The following ABCG5 variants were observed in gnomAD, a reference collection of about 807,000 sequenced individuals.
The protein encoded by ABCG5 is ATP-binding cassette sub-family G member 5.
Under a neutral mutation model 64.5 loss-of-function variants are expected in ABCG5, and 64 were observed. The ratio of observed to expected loss-of-function variants is 0.99; its 90% CI spans 0.81 to 1.22. The LOEUF (loss-of-function observed/expected upper bound fraction) is 1.22. Ranked by LOEUF, ABCG5 falls within the 50% of genes most tolerant of loss-of-function variation. The pLI is 0.00. For synonymous variants in ABCG5, 385 were observed against 326.3 expected (o/e 1.18, Z -1.94); for missense variants, 908 against 829.5 (o/e 1.09, Z -1.16).
chr2:43,829,839 A>C (rs1663413741), intron 4 of ABCG5, among the ~76,000 whole-genome samples: 1 of 152,268 alleles, frequency 6.6e-6, no homozygotes, highest in Non-Finnish European at 1.5e-5. Flanking sequence ...CCAACATTCA[A>C]GAGGAGTCAG....
In ABCG5 at chr2:43,821,787, C is replaced by G. The variant is rs148053273; in HGVS notation, c.1463+1010G>C. 7.3e-3 allele frequency among the ~76,000 whole-genome samples: 1,108 copies of G among 152,172 alleles called. 15 individuals are homozygous for G. The highest frequency in any genetic ancestry group is 0.026 in the African/African-American group (1,059 of 41,500). ...ATTTCCCCCTTCCCAATTTCAATCT[C>G]TCTCCCCAGTGCTCAGCAGCTGAAT... is the stretch of plus-strand genomic sequence containing the variant. On this transcript the variant is annotated intron_variant, in intron 10 of 12. Transcript: ENST00000405322.
chr2:43,830,905 A>C (rs1402050859), intron 4 of ABCG5, among the ~76,000 whole-genome samples: 1 of 152,120 alleles, frequency 6.6e-6, no homozygotes, highest in African/African-American at 2.4e-5. Context: ...TCCTTCATTA[A>C]CTCAGTCCAG....
intron 11 of ABCG5, among the ~76,000 whole-genome samples, chr2:43,817,510 A>G (rs1248636042): frequency 6.6e-6 from 1 of 151,812 alleles, no homozygotes; most frequent in Non-Finnish European, 1.5e-5. Flanking sequence ...AAAAATAAAA[A>G]TAAAGAGCAA....
At chr2:43,810,626 C>A, downstream of ABCG5, 1 of 581,364 alleles carries the variant, frequency 1.7e-6, no homozygotes, top group Non-Finnish European at 2.2e-6. Flanking sequence ...CATTTACTAC[C>A]CCAAGGGAGT....
intron 11 of ABCG5, 129 bp from the exon 12 acceptor site, chr2:43,814,718 G>A: frequency 5.0e-6 from 3 of 602,656 alleles, no homozygotes; most frequent in Non-Finnish European, 8.7e-6. Flanking sequence ...TAAAAATGAT[G>A]CTCACTATAA....
rs1323773161 is a variant in ABCG5 at position 43,813,370 on chromosome 2, G to A, written c.1763-61C>T. 21 of 1,239,448 alleles carry A rather than the reference G, an allele frequency of 1.7e-5. 1 individual carries two copies. Among genetic ancestry groups the A allele is most frequent in the Middle Eastern group, 1.9e-4 (1 of 5,256 alleles). 76.8% of individuals were successfully genotyped at this position (1,239,448 alleles called of 1,614,324 possible). A position where few individuals can be genotyped will look rare whatever the true frequency, so the allele number is the denominator to read the frequency against. On this transcript the variant is annotated intron_variant, in intron 12 of 12. Transcript: ENST00000405322. Reference sequence around the variant, plus strand: ...TTATCTCAGGTAATTTAATCAACAAGTATTTACCAAGCGCTTGCTAAGTAC... The same window carrying A: ...TTATCTCAGGTAATTTAATCAACAAATATTTACCAAGCGCTTGCTAAGTAC...
chr2:43,814,495 C>T lies in ABCG5; in HGVS notation c.1744G>A (p.Gly582Arg), dbSNP rs144973796. The change falls in exon 12 of 13, where the codon GGA becomes AGA. Residue 582 changes from glycine (G) to arginine (R), a missense_variant. Transcript: ENST00000405322. ...TACTTACCACAAGTGAAATTCAGTC[C>T]GTAGAACTCATTGACTACAAGAATC... is the stretch of plus-strand genomic sequence containing the variant. ...SEILVVNEFY[G>R]LNFTCGSSNV... The T allele has an allele frequency of 2.7e-4, 433 of 1,605,208 alleles. 5 individuals are homozygous for T. In the African/African-American group the frequency reaches 4.7e-3, roughly 17 times the overall value.
At chr2:43,839,215 CG>C, upstream of ABCG5, 2 of 1,295,110 alleles carry the variant, frequency 1.5e-6, no homozygotes, top group East Asian at 5.1e-5. Context: ...TAGCACCACC[CG>C]GACATCAAGC....
rs778172526 is a variant in ABCG5, at chr2:43,826,464, A to G, written c.692T>C (p.Ile231Thr). The change falls in exon 6 of 13, where the codon ATT becomes ACT. Residue 231 changes from isoleucine to threonine, a missense_variant. Transcript: ENST00000405322. ...AGCCAGTTCCACCAGGAGGACGACA[A>G]TCTGATTAGCAGTCATGCAGTCCAG... is the stretch of plus-strand genomic sequence containing the variant. ...TGLDCMTANQIVVLLVELARR... is the reference protein window; with the variant it reads ...TGLDCMTANQTVVLLVELARR... The G allele has an allele frequency of 2.5e-6, 4 of 1,614,184 alleles. No homozygotes were observed. Among genetic ancestry groups the G allele is most frequent in the Middle Eastern group, 1.6e-4 (1 of 6,062 alleles).
chr2:43,824,462 A>G (rs1178346469), intron 7 of ABCG5, 30 bp from the exon 8 acceptor site: 5 of 1,611,018 alleles, frequency 3.1e-6, no homozygotes, highest in East Asian at 2.2e-5. Context: ...GATGTCACCC[A>G]TGTGTTTTTA....
chr2:43,836,558 A>G (rs1197962187), intron 2 of ABCG5, among the ~76,000 whole-genome samples: 2 of 152,222 alleles, frequency 1.3e-5, no homozygotes, highest in Admixed American at 1.3e-4. Flanking sequence ...ACCCCTCTTC[A>G]GGGCCAATGC....
Position 43,837,814 on chromosome 2 carries a change from A to T in ABCG5, c.265+20T>A. On this transcript the variant is annotated intron_variant, in intron 2 of 12. Transcript: ENST00000405322. ...TAACTCAAGCCAAATCCTTTTTAGA[A>T]TCCTCCTTCCCAAGCTTACCTGAGC... 2.5e-6 allele frequency: 4 copies of T among 1,613,574 alleles called. No homozygotes were observed. The South Asian group carries it at 4.4e-5, about 18-fold the overall frequency.
At chr2:43,834,609 G>A (rs1425525145) in intron 2 of ABCG5, among the ~76,000 whole-genome samples, 3 of 152,212 alleles carry the variant, frequency 2.0e-5, no homozygotes, top group African/African-American at 7.2e-5. Context: ...TCATTCAAAA[G>A]AGGATATGAG....
chr2:43,811,667 T>G (rs1035688401), downstream of ABCG5, among the ~76,000 whole-genome samples: 3 of 151,950 alleles, frequency 2.0e-5, no homozygotes, highest in African/African-American at 4.8e-5. Flanking sequence ...CATTCTCGGC[T>G]CACTGCAACC....
downstream of ABCG5, among the ~76,000 whole-genome samples, chr2:43,810,194 GAT>G (rs1024075388): frequency 1.3e-5 from 2 of 152,060 alleles, no homozygotes; most frequent in African/African-American, 4.8e-5. Flanking sequence ...TGGGTTCACA[GAT>G]GTCAAAATTT....
At chr2:43,833,984 C>A (rs1668108656) in intron 2 of ABCG5, among the ~76,000 whole-genome samples, 1 of 152,160 alleles carries the variant, frequency 6.6e-6, no homozygotes, top group Non-Finnish European at 1.5e-5. Flanking sequence ...GCACCTGGCC[C>A]TTGTTGAAAT....
chr2:43,822,864 C>A lies in ABCG5; in HGVS notation c.1396G>T (p.Ala466Ser), dbSNP rs1215620734. 1 of 1,614,136 alleles carries A rather than the reference C, an allele frequency of 6.2e-7. No individual in the cohort carries two copies. Residue 466 changes from alanine to serine, a missense_variant, in exon 10 of 13, where the codon GCC (alanine) becomes TCC (serine). Ala to Ser is a moderately conservative substitution (Grantham distance 99). Transcript: ENST00000405322. Reference protein sequence around the residue: ...GLYQKWQMMLAYALHVLPFSV... With the variant: ...GLYQKWQMMLSYALHVLPFSV... Reference sequence around the variant, plus strand: ...AAGGGGAGGACGTGCAGTGCATAGGCCAGCATCATCTGCCACTTCTGGTAG... The same window carrying A: ...AAGGGGAGGACGTGCAGTGCATAGGACAGCATCATCTGCCACTTCTGGTAG...
intron 12 of ABCG5, among the ~76,000 whole-genome samples, chr2:43,813,697 G>GGGT (rs1666616635): frequency 2.2e-5 from 2 of 91,316 alleles, no homozygotes; most frequent in African/African-American, 7.5e-5. Flanking sequence ...TTTTTTTGGG[G>GGGT]TTTTTTTTTT....
At chr2:43,835,467 G>A (rs1668205859) in intron 2 of ABCG5, among the ~76,000 whole-genome samples, 1 of 152,198 alleles carries the variant, frequency 6.6e-6, no homozygotes, top group Non-Finnish European at 1.5e-5. Context: ...AAAGGAAGCT[G>A]AGAATGACCC....
Sources: allele counts gnomAD v4.1 joint callset (sites outside exome capture counted in the v4.1 genomes callset), GRCh38; gene constraint gnomAD v4.1.1; transcripts MANE v1.5; gene names NCBI Gene and HGNC (gene_info 2026-07-23, HGNC 2026-07-21).